Variants in DCC observed in about 807,000 individuals in gnomAD.
DCC encodes netrin receptor DCC.
DCC carries 58 observed loss-of-function variants against 172.5 expected under a neutral mutation model. The observed-to-expected ratio is 0.34, with a 90% CI of 0.27 to 0.42. The LOEUF (loss-of-function observed/expected upper bound fraction) is 0.42. Ranked by LOEUF, DCC falls within the 10% of genes least tolerant of loss-of-function variation. The pLI is 1.00. For synonymous variants in DCC, 709 were observed against 644.5 expected, an observed-to-expected ratio of 1.10 and a Z score of -1.52; for missense variants, 1,740 against 1,791.0, an observed-to-expected ratio of 0.97 and a Z score of 0.51.
chr18:52,817,945 C>G (rs16955561), intron 2 of DCC: 3 of 152,026 alleles, frequency 2.0e-5, no homozygotes, highest in Admixed American at 2.0e-4. Flanking sequence ...TGGATTGTTA[C>G]GCCATTGATA....
At chr18:52,527,549 G>A (rs564422629) in intron 1 of DCC, among the ~76,000 whole-genome samples, 1 of 152,290 alleles carries the variant, frequency 6.6e-6, no homozygotes, top group South Asian at 2.1e-4. Context: ...TTGGAAAAAT[G>A]CAGAGTTCAG....
At chr18:52,851,661 G>A (rs1190903560) in intron 2 of DCC, among the ~76,000 whole-genome samples, 1 of 152,124 alleles carries the variant, frequency 6.6e-6, no homozygotes, top group Non-Finnish European at 1.5e-5. Context: ...GAAGGAGCCT[G>A]AAATGAACAA....
intron 25 of DCC, among the ~76,000 whole-genome samples, chr18:53,481,565 G>A (rs1203443046): frequency 6.6e-6 from 1 of 152,014 alleles, no homozygotes; most frequent in Non-Finnish European, 1.5e-5. Flanking sequence ...AGGTCATTGT[G>A]GAAAAGAGAA....
At chr18:53,312,358 A>G (rs796412246) in intron 13 of DCC, among the ~76,000 whole-genome samples, 20 of 141,218 alleles carry the variant, frequency 1.4e-4, no homozygotes, top group African/African-American at 2.4e-4. Flanking sequence ...AAAAAAAAAA[A>G]AAAAAGAAAA....
At chr18:52,594,629 T>A (rs1389312846) in intron 1 of DCC, among the ~76,000 whole-genome samples, 2 of 152,296 alleles carry the variant, frequency 1.3e-5, no homozygotes, top group East Asian at 3.9e-4. Context: ...GAGGTTTAAT[T>A]GGCTCACAGC....
chr18:53,302,925 A>G (rs1444490572), intron 12 of DCC, among the ~76,000 whole-genome samples: 2 of 152,172 alleles, frequency 1.3e-5, no homozygotes, highest in Non-Finnish European at 2.9e-5. Context: ...AGTATTTTAC[A>G]GCAATGTGCC....
chr18:52,601,219 T>A (rs1410396812), intron 1 of DCC, among the ~76,000 whole-genome samples: 1 of 152,138 alleles, frequency 6.6e-6, no homozygotes, highest in African/African-American at 2.4e-5. Context: ...TTATGTTTAC[T>A]TAATGTTTAT....
At chr18:53,526,024 T>C (rs969270292) in intron 27 of DCC, among the ~76,000 whole-genome samples, 1 of 152,178 alleles carries the variant, frequency 6.6e-6, no homozygotes, top group African/African-American at 2.4e-5. Flanking sequence ...GTGCCTCTTA[T>C]GATTTTCATG....
chr18:53,042,638 A>G (rs2042184529), intron 5 of DCC, among the ~76,000 whole-genome samples: 1 of 152,070 alleles, frequency 6.6e-6, no homozygotes, highest in Non-Finnish European at 1.5e-5. Context: ...CCTCTCAAAA[A>G]GTGGGCGAAG....
intron 2 of DCC, chr18:52,818,324 A>G (rs932647898): frequency 5.4e-5 from 8 of 149,466 alleles, no homozygotes; most frequent in African/African-American, 2.0e-4. Context: ...AGAGAGGAGG[A>G]TTGCTTGAGC....
At chr18:52,342,927 T>C (rs1171362023) in intron 1 of DCC, among the ~76,000 whole-genome samples, 1 of 152,240 alleles carries the variant, frequency 6.6e-6, no homozygotes, top group Non-Finnish European at 1.5e-5. Flanking sequence ...CATGTATTAC[T>C]GCTTCATTTT....
chr18:53,329,447 A>C (rs541370553), intron 14 of DCC, among the ~76,000 whole-genome samples: 1 of 152,186 alleles, frequency 6.6e-6, no homozygotes, highest in South Asian at 2.1e-4. Context: ...TTTCAAAAAC[A>C]TAGCTTTTCT....
chr18:53,069,064 T>TG (rs1193867872), intron 7 of DCC, among the ~76,000 whole-genome samples: 5 of 151,910 alleles, frequency 3.3e-5, no homozygotes, highest in Non-Finnish European at 5.9e-5. Context: ...TTATATACCA[T>TG]GGGGAGAAGT....
intron 5 of DCC, among the ~76,000 whole-genome samples, chr18:53,040,899 G>A (rs1183719558): frequency 6.6e-6 from 1 of 151,890 alleles, no homozygotes; most frequent in East Asian, 1.9e-4. Context: ...AAAAGTTGAA[G>A]GGTGCAGGCA....
At chr18:52,464,241 T>C (rs1292508191) in intron 1 of DCC, among the ~76,000 whole-genome samples, 2 of 152,194 alleles carry the variant, frequency 1.3e-5, no homozygotes, top group African/African-American at 2.4e-5. Flanking sequence ...TTCTTATATA[T>C]ACTCCTTTTG....
At chr18:53,047,258 A>T (rs1414135770) in intron 5 of DCC, among the ~76,000 whole-genome samples, 1 of 13,288 alleles carries the variant, frequency 7.5e-5, no homozygotes, top group African/African-American at 7.3e-4. Context: ...ATATATATAT[A>T]TATATATATA....
chr18:52,502,248 A>G lies in DCC; in HGVS notation c.91+161370A>G, dbSNP rs541214268. ...AGAAATTATAAACTAGAAGAGGAAT[A>G]ATGCAGTAAATAAAGAAAAAAATGT... On this transcript the variant is annotated intron_variant, in intron 1 of 28. Coordinates refer to ENST00000442544, the MANE Select transcript of DCC (RefSeq NM_005215.4). 2.0e-5 allele frequency among the ~76,000 whole-genome samples: 3 copies of G among 152,312 alleles called. No homozygotes were observed. In the South Asian group the frequency reaches 6.2e-4, roughly 32 times the overall value.
intron 5 of DCC, among the ~76,000 whole-genome samples, chr18:53,002,284 A>T (rs1012165015): frequency 6.6e-6 from 1 of 152,182 alleles, no homozygotes; most frequent in African/African-American, 2.4e-5. Context: ...GGGAAAAAGT[A>T]ATCCTCATCA....
rs1179083485 is a variant in DCC, at chr18:52,501,607, GA to G, written c.91+160732del. ...TTGCTGCTGACTTTTCACCGATGAG[GA>G]AACTGTATCACAGAGTACGGAAGTG... is the stretch of plus-strand genomic sequence containing the variant. On this transcript the variant is annotated intron_variant, in intron 1 of 28. Coordinates refer to ENST00000442544, the MANE Select transcript of DCC (RefSeq NM_005215.4). 3.9e-5 allele frequency among the ~76,000 whole-genome samples: 6 copies of G among 152,244 alleles called. No homozygotes were observed. The East Asian group carries it at 1.2e-3, about 29-fold the overall frequency.
Sources: gnomAD v4.1 joint callset for allele counts (sites outside exome capture counted in the v4.1 genomes callset) on GRCh38, gnomAD v4.1.1 for gene constraint, MANE v1.5 for transcripts, NCBI Gene and HGNC (gene_info 2026-07-23, HGNC 2026-07-21) for gene names.